DYNC1I1: variants seen among roughly 807,000 people sequenced by gnomAD.
DYNC1I1 encodes dynein cytoplasmic 1 intermediate chain 1.
Under a neutral mutation model 86.6 loss-of-function variants are expected in DYNC1I1, and 43 were observed. That is an observed-to-expected ratio of 0.50 (90% CI 0.39 to 0.64). DYNC1I1 has a LOEUF of 0.64. Among genes scored for constraint, DYNC1I1 ranks in the 30% least tolerant of loss-of-function variants. DYNC1I1 has a pLI of 0.00. For synonymous variants in DYNC1I1, 262 were observed against 283.7 expected, an observed-to-expected ratio of 0.92 and a Z score of 0.77; for missense variants, 604 against 788.8, an observed-to-expected ratio of 0.77 and a Z score of 2.81.
chr7:95,837,106 C>G (rs1322500635), intron 5 of DYNC1I1, among the ~76,000 whole-genome samples: 1 of 149,810 alleles, frequency 6.7e-6, no homozygotes, highest in Non-Finnish European at 1.5e-5. Context: ...GTTTTATCTA[C>G]TTTTGGTCTT....
At chr7:95,827,942 C>T in intron 4 of DYNC1I1, 115 bp from the exon 5 acceptor site, 1 of 933,712 alleles carries the variant, frequency 1.1e-6, no homozygotes. Flanking sequence ...GGGACATGTT[C>T]TGTGTATGTA....
intron 5 of DYNC1I1, among the ~76,000 whole-genome samples, chr7:95,834,442 T>G (rs1789014798): frequency 9.1e-6 from 1 of 110,322 alleles, no homozygotes; most frequent in South Asian, 3.4e-4. Flanking sequence ...CTTTTTTGTT[T>G]GTGTCTCTGC....
chr7:96,103,203 G>A (rs1326014066), downstream of DYNC1I1, among the ~76,000 whole-genome samples: 1 of 152,154 alleles, frequency 6.6e-6, no homozygotes, highest in East Asian at 1.9e-4. Context: ...TTACATATGG[G>A]TTAGTTCAGT....
At chr7:96,068,506 G>C (rs1022774282) in intron 14 of DYNC1I1, among the ~76,000 whole-genome samples, 1 of 151,756 alleles carries the variant, frequency 6.6e-6, no homozygotes, top group Non-Finnish European at 1.5e-5. Context: ...AATTGTTGAC[G>C]CAAGAGGTAG....
At chr7:95,880,229 AAG>A (rs1790416516) in intron 6 of DYNC1I1, among the ~76,000 whole-genome samples, 1 of 152,286 alleles carries the variant, frequency 6.6e-6, no homozygotes, top group African/African-American at 2.4e-5. Flanking sequence ...CCCACATGGT[AAG>A]AGAGAATTCC....
At chr7:95,946,774 C>T (rs1584189360) in intron 6 of DYNC1I1, among the ~76,000 whole-genome samples, 1 of 151,994 alleles carries the variant, frequency 6.6e-6, no homozygotes, top group East Asian at 1.9e-4. Context: ...CAGTCCCTGC[C>T]CTGATAGAGC....
chr7:95,944,786 T>C (rs202193579), intron 6 of DYNC1I1, among the ~76,000 whole-genome samples: 3 of 148,128 alleles, frequency 2.0e-5, no homozygotes, highest in South Asian at 4.3e-4. Flanking sequence ...AAAAACCAAA[T>C]ACCGCATATT....
chr7:96,020,003 G>T (rs1400629718), intron 10 of DYNC1I1, among the ~76,000 whole-genome samples: 2 of 151,316 alleles, frequency 1.3e-5, no homozygotes, highest in African/African-American at 4.9e-5. Context: ...CTGTTCCATA[G>T]GTAGGGCAAG....
At chr7:96,029,066 T>C (rs1794749199) in intron 11 of DYNC1I1, among the ~76,000 whole-genome samples, 3 of 152,206 alleles carry the variant, frequency 2.0e-5, no homozygotes, top group Admixed American at 1.3e-4. Flanking sequence ...AGCTTTACTC[T>C]TGTTTTCAAT....
At chr7:96,003,455 A>G (rs1344677283) in intron 10 of DYNC1I1, among the ~76,000 whole-genome samples, 3 of 152,218 alleles carry the variant, frequency 2.0e-5, no homozygotes, top group Non-Finnish European at 4.4e-5. Context: ...CCAGTTTAGC[A>G]TATCTGTTAA....
intron 5 of DYNC1I1, among the ~76,000 whole-genome samples, chr7:95,840,648 A>G (rs1205855011): frequency 6.6e-6 from 1 of 152,212 alleles, no homozygotes. Context: ...CACATTTTAT[A>G]GAACAACCAC....
At chr7:95,968,212 G>T (rs1250393869) in intron 6 of DYNC1I1, among the ~76,000 whole-genome samples, 1 of 151,854 alleles carries the variant, frequency 6.6e-6, no homozygotes, top group African/African-American at 2.4e-5. Flanking sequence ...GGTGGGAAAT[G>T]GAGAGAATAA....
intron 16 of DYNC1I1, among the ~76,000 whole-genome samples, chr7:96,094,508 A>T (rs1032695419): frequency 1.3e-5 from 2 of 152,312 alleles, no homozygotes; most frequent in African/African-American, 2.4e-5. Flanking sequence ...AGTCATGGAA[A>T]CAGCAAAGTG....
chr7:96,018,396 C>T (rs1330204542), intron 10 of DYNC1I1, among the ~76,000 whole-genome samples: 1 of 152,190 alleles, frequency 6.6e-6, no homozygotes, highest in Non-Finnish European at 1.5e-5. Flanking sequence ...CTTCTCTGAG[C>T]CTGGGTTTCC....
intron 10 of DYNC1I1, among the ~76,000 whole-genome samples, chr7:96,023,545 G>A (rs559060361): frequency 6.6e-6 from 1 of 152,172 alleles, no homozygotes; most frequent in Non-Finnish European, 1.5e-5. Flanking sequence ...ACTTAAAGAC[G>A]GGTCTGGGCT....
At chr7:95,876,056 A>T (rs1415523419) in intron 6 of DYNC1I1, among the ~76,000 whole-genome samples, 1 of 151,940 alleles carries the variant, frequency 6.6e-6, no homozygotes, top group African/African-American at 2.4e-5. Context: ...CATGCCAGTC[A>T]CCCCCAGGGA....
In DYNC1I1 at chr7:96,032,651, G is replaced by C. The variant is rs776057584; in HGVS notation, c.1117-16G>C. On this transcript the variant is annotated splice_polypyrimidine_tract_variant and intron_variant, in intron 11 of 16. Transcript: ENST00000447467. The stretch of plus-strand genomic sequence containing the variant: ...CTTGGATCTGTCTCTGATCCTCTTT[G>C]TTTATGTTTTTGCAGCATCCCGTGT... The C allele has an allele frequency of 6.3e-6, 10 of 1,593,184 alleles. No individual in the cohort carries two copies. Among genetic ancestry groups the C allele is most frequent in the African/African-American group, 4.0e-5 (3 of 74,534 alleles).
chr7:96,036,122 C>T (rs944511712), intron 13 of DYNC1I1, among the ~76,000 whole-genome samples: 5 of 152,190 alleles, frequency 3.3e-5, no homozygotes, highest in Admixed American at 3.3e-4. Context: ...ACTTCTTTTA[C>T]CAGTTCTAGC....
intron 13 of DYNC1I1, among the ~76,000 whole-genome samples, chr7:96,035,966 G>A (rs1330458029): frequency 2.0e-5 from 3 of 151,958 alleles, no homozygotes; most frequent in Non-Finnish European, 4.4e-5. Context: ...AGGGAAAAAA[G>A]CTCGAGCTTC....
Sources: allele counts gnomAD v4.1 joint callset (sites outside exome capture counted in the v4.1 genomes callset), GRCh38; gene constraint gnomAD v4.1.1; transcripts MANE v1.5; gene names NCBI Gene and HGNC (gene_info 2026-07-23, HGNC 2026-07-21).